Variants in ENTPD4 observed in about 807,000 individuals in gnomAD.
ENTPD4 encodes ectonucleoside triphosphate diphosphohydrolase 4.
ENTPD4 carries 60 observed loss-of-function variants against 79.1 expected under a neutral mutation model. The observed-to-expected ratio is 0.76, with a 90% confidence interval of 0.62 to 0.94. The LOEUF (loss-of-function observed/expected upper bound fraction) is 0.94, where lower values mean the gene tolerates loss of function less well. ENTPD4 is among the 40% of genes least tolerant of loss of function. ENTPD4 has a pLI of 0.00. For synonymous variants in ENTPD4, 276 were observed against 292.0 expected, an observed-to-expected ratio of 0.95 and a Z score of 0.56; for missense variants, 772 against 775.1, an observed-to-expected ratio of 1.00 and a Z score of 0.05.
chr8:23,436,491 C>T (rs1800563267), intron 10 of ENTPD4, among the ~76,000 whole-genome samples: 1 of 152,018 alleles, frequency 6.6e-6, no homozygotes, highest in Admixed American at 6.6e-5. Context: ...GCAGCAAACC[C>T]TGAATATGGA....
In ENTPD4 at chr8:23,439,731, T is replaced by A. The variant is rs780565099; in HGVS notation, c.1049+18A>T. On this transcript the variant is annotated intron_variant, in intron 9 of 12. Transcript: ENST00000358689. ...CCTAGGTTTGCAAATGACTGCCAAG[T>A]AGTGAAAGGTGCTTTACCTGTTCTT... 2.1e-5 allele frequency: 34 copies of A among 1,612,654 alleles called. No homozygotes were observed. In the South Asian group the frequency reaches 3.7e-4, roughly 18 times the overall value.
intron 11 of ENTPD4, 44 bp downstream of exon 11, chr8:23,435,348 T>G: frequency 1.4e-6 from 2 of 1,425,178 alleles, no homozygotes; most frequent in Non-Finnish European, 2.0e-6. Flanking sequence ...AACACTGCAT[T>G]ATGGTTCTTA....
At chr8:23,450,318 G>A (rs1449882438) in intron 1 of ENTPD4, among the ~76,000 whole-genome samples, 1 of 152,234 alleles carries the variant, frequency 6.6e-6, no homozygotes, top group Non-Finnish European at 1.5e-5. Flanking sequence ...GGAGGTAGGA[G>A]AAAGGCAGAA....
At chr8:23,455,540 C>A (rs183059997) in intron 1 of ENTPD4, among the ~76,000 whole-genome samples, 69 of 152,286 alleles carry the variant, frequency 4.5e-4, no homozygotes, top group Non-Finnish European at 4.0e-4. Flanking sequence ...TATGTAGTTG[C>A]ATTTATGATC....
chr8:23,431,757 G>C lies in ENTPD4; in HGVS notation c.*1169C>G, dbSNP rs2117270118. The C allele has an allele frequency of 8.1e-6, 8 of 985,402 alleles. No individual in the cohort carries two copies. The highest frequency in any genetic ancestry group is 9.6e-6 in the Non-Finnish European group (8 of 829,940). The allele number at this position is 985,402 out of a possible 1,614,324, so 61.0% of individuals were successfully genotyped here. On this transcript the variant is annotated 3_prime_UTR_variant, in exon 13 of 13. Coordinates refer to ENST00000358689, the MANE Select transcript of ENTPD4 (RefSeq NM_004901.5). Reference sequence around the variant, plus strand: ...AGGCACGATTAAGCAGAAACACTGAGGAATACTGAGCAAGAAGTGGGCATG... The same window carrying C: ...AGGCACGATTAAGCAGAAACACTGACGAATACTGAGCAAGAAGTGGGCATG...
rs763869614 is a variant in ENTPD4, at chr8:23,447,630, G to GA, written c.412+49dup. The stretch of plus-strand genomic sequence containing the variant: ...GGAACGATATGAAAGACGCCACAGA[G>GA]AATGAAGGTACACACCCTGGTTACC... On this transcript the variant is annotated intron_variant, in intron 4 of 12. Transcript: ENST00000358689. 34 of 1,425,888 alleles carry GA rather than the reference G, an allele frequency of 2.4e-5. 1 individual carries two copies. The highest frequency in any genetic ancestry group is 1.6e-4 in the South Asian group (14 of 86,974). The allele number at this position is 1,425,888 out of a possible 1,614,324, so 88.3% of individuals were successfully genotyped here.
chr8:23,441,787 A>C, intron 7 of ENTPD4, 64 bp from the exon 8 acceptor site: 1 of 1,544,586 alleles, frequency 6.5e-7, no homozygotes. Flanking sequence ...TCTTCTGAAG[A>C]GTCACCTTCT....
Position 23,432,480 on chromosome 8 carries a change from G to A in ENTPD4, c.*446C>T, listed in dbSNP as rs906944120. ...AAAATGGCTAAACGCAATACTTCTAGACAGCAGGGCTTATAAACAATGCAT... is the reference window on the plus strand; with the variant it reads ...AAAATGGCTAAACGCAATACTTCTAAACAGCAGGGCTTATAAACAATGCAT... On this transcript the variant is annotated 3_prime_UTR_variant, in exon 13 of 13. Coordinates refer to ENST00000358689, the MANE Select transcript of ENTPD4 (RefSeq NM_004901.5). 4 of 988,548 alleles carry A rather than the reference G, an allele frequency of 4.0e-6. No homozygotes were observed. Among genetic ancestry groups the A allele is most frequent in the Non-Finnish European group, 3.6e-6 (3 of 832,596 alleles). 61.2% of individuals were successfully genotyped at this position (988,548 alleles called of 1,614,324 possible).
rs1257224970 is a variant in ENTPD4 at position 23,430,137 on chromosome 8, T to C, written c.*2789A>G. 1 of 985,368 alleles carries C rather than the reference T, an allele frequency of 1.0e-6. No individual in the cohort carries two copies. Among genetic ancestry groups the C allele is most frequent in the East Asian group, 1.1e-4 (1 of 8,832 alleles). 61.0% of individuals were successfully genotyped at this position (985,368 alleles called of 1,614,324 possible). ...GAATTAAGATCCTCCCTGGCTTGTC[T>C]CTCACCCACCCTGTATCTCTTAGAG... On this transcript the variant is annotated 3_prime_UTR_variant, in exon 13 of 13. Coordinates refer to ENST00000358689, the MANE Select transcript of ENTPD4 (RefSeq NM_004901.5).
At chr8:23,434,294 C>T (rs377611258) in intron 12 of ENTPD4, 23 bp downstream of exon 12, 11 of 1,606,238 alleles carry the variant, frequency 6.8e-6, no homozygotes, top group Middle Eastern at 1.7e-4. Flanking sequence ...TTTTGATTCT[C>T]GTTCCCAAAT....
chr8:23,454,084 T>C (rs1041648816), intron 1 of ENTPD4, among the ~76,000 whole-genome samples: 3 of 152,236 alleles, frequency 2.0e-5, no homozygotes, highest in Non-Finnish European at 2.9e-5. Context: ...ATCATCTTTA[T>C]TTTCTTCCCT....
intron 4 of ENTPD4, among the ~76,000 whole-genome samples, chr8:23,444,938 A>T (rs1800740213): frequency 6.6e-6 from 1 of 152,078 alleles, no homozygotes; most frequent in African/African-American, 2.4e-5. Flanking sequence ...TATCACCATC[A>T]GCATGCCATG....
intron 12 of ENTPD4, among the ~76,000 whole-genome samples, chr8:23,433,837 AGT>A (rs1800506374): frequency 6.6e-6 from 1 of 152,248 alleles, no homozygotes; most frequent in African/African-American, 2.4e-5. Context: ...AATTACAGAA[AGT>A]GCTAATTCTG....
chr8:23,445,176 T>C (rs1041352131), intron 4 of ENTPD4, among the ~76,000 whole-genome samples: 3 of 152,068 alleles, frequency 2.0e-5, no homozygotes, highest in Admixed American at 1.3e-4. Context: ...TTAGATGAAG[T>C]CCCTCTCCCT....
Position 23,434,495 on chromosome 8 carries a change from CA to C in ENTPD4, c.1461-18del, listed in dbSNP as rs763591876. ...CACTGATACCTACAAACGGCAAGCA[CA>C]AAGGCAAGTCAGACTGACTCACTCT... is the stretch of plus-strand genomic sequence containing the variant. On this transcript the variant is annotated intron_variant, in intron 11 of 12. Coordinates refer to ENST00000358689, the MANE Select transcript of ENTPD4 (RefSeq NM_004901.5). 1.2e-6 allele frequency: 2 copies of C among 1,613,504 alleles called. No homozygotes were observed. Among genetic ancestry groups the C allele is most frequent in the East Asian group, 4.5e-5 (2 of 44,868 alleles).
chr8:23,432,474 C>T lies in ENTPD4; in HGVS notation c.*452G>A. On this transcript the variant is annotated 3_prime_UTR_variant, in exon 13 of 13. Transcript: ENST00000358689. Reference sequence around the variant, plus strand: ...GTACTCAAAATGGCTAAACGCAATACTTCTAGACAGCAGGGCTTATAAACA... The same window carrying T: ...GTACTCAAAATGGCTAAACGCAATATTTCTAGACAGCAGGGCTTATAAACA... 2.0e-6 allele frequency: 2 copies of T among 989,134 alleles called. No homozygotes were observed. The highest frequency in any genetic ancestry group is 2.4e-6 in the Non-Finnish European group (2 of 832,550). 61.3% of individuals were successfully genotyped at this position (989,134 alleles called of 1,614,324 possible).
rs889456576 is a variant in ENTPD4 at position 23,432,838 on chromosome 8, A to G, written c.*88T>C. The G allele has an allele frequency of 4.7e-5, 68 of 1,455,470 alleles. No homozygotes were observed. Among genetic ancestry groups the G allele is most frequent in the Non-Finnish European group, 6.0e-5 (66 of 1,102,744 alleles). The allele number at this position is 1,455,470 out of a possible 1,614,324, so 90.2% of individuals were successfully genotyped here. On this transcript the variant is annotated 3_prime_UTR_variant, in exon 13 of 13. Transcript: ENST00000358689. ...TTTGGAGGAACAAAAAAGGGAAAGAAAAAACAAAACCACAGGAAAATAAAG... is the reference window on the plus strand; with the variant it reads ...TTTGGAGGAACAAAAAAGGGAAAGAGAAAACAAAACCACAGGAAAATAAAG...
At position 23,441,560 on chromosome 8, in the gene ENTPD4, G is replaced by C. The variant is rs1800670688; in HGVS notation, c.882+9C>G. The C allele has an allele frequency of 6.2e-7, 1 of 1,613,194 alleles. No individual in the cohort carries two copies. The highest frequency in any genetic ancestry group is 1.3e-5 in the African/African-American group (1 of 74,884). On this transcript the variant is annotated intron_variant, in intron 8 of 12. Transcript: ENST00000358689. Reference sequence around the variant, plus strand: ...AACCAAACAGAAGGAAATTTGTACAGATAATGACCTGCTGTGAGGACGCAA... The same window carrying C: ...AACCAAACAGAAGGAAATTTGTACACATAATGACCTGCTGTGAGGACGCAA...
chr8:23,437,357 C>T (rs1800585643), intron 9 of ENTPD4, 99 bp from the exon 10 acceptor site: 2 of 842,726 alleles, frequency 2.4e-6, no homozygotes, highest in Non-Finnish European at 3.7e-6. Flanking sequence ...CTCTGTGGGA[C>T]ATGAGACCTG....
Sources: allele counts gnomAD v4.1 joint callset (sites outside exome capture counted in the v4.1 genomes callset), GRCh38; gene constraint gnomAD v4.1.1; transcripts MANE v1.5; gene names NCBI Gene and HGNC (gene_info 2026-07-23, HGNC 2026-07-21).